Variants in BAHCC1 observed in about 807,000 individuals in gnomAD.
The protein encoded by BAHCC1 is BAH and coiled-coil domain-containing protein 1.
A neutral mutation model predicts 88.2 loss-of-function variants in BAHCC1; 43 were observed. The ratio of observed to expected loss-of-function variants is 0.49; its 90% CI spans 0.38 to 0.63. The LOEUF is 0.63. BAHCC1 is among the 20% of genes least tolerant of loss of function. The pLI, the probability that BAHCC1 is intolerant of heterozygous loss-of-function variation, is 0.00. For synonymous variants in BAHCC1, 1,510 were observed against 745.5 expected (o/e 2.03, Z -16.71); for missense variants, 3,023 against 1,654.8 (o/e 1.83, Z -14.34).
chr17:81,446,734 G>C (rs564476569), intron 10 of BAHCC1: 1 of 542,362 alleles, frequency 1.8e-6, no homozygotes, highest in Non-Finnish European at 3.6e-6. Context: ...TAATTTTTTT[G>C]TAGTGGCACG....
chr17:81,454,779 G>A (rs947929101), intron 14 of BAHCC1, among the ~76,000 whole-genome samples: 29 of 152,126 alleles, frequency 1.9e-4, no homozygotes, highest in African/African-American at 6.3e-4. Context: ...TGTTCCAGGT[G>A]CCAAGGCTGG....
chr17:81,459,274 C>A lies in BAHCC1; in HGVS notation c.5742C>A (p.Gly1914=). 1 of 779,440 alleles carries A rather than the reference C, an allele frequency of 1.3e-6. No homozygotes were observed. 48.3% of individuals were successfully genotyped at this position (779,440 alleles called of 1,614,324 possible). A position where few individuals can be genotyped will look rare whatever the true frequency, so the allele number is the denominator to read the frequency against. The change falls in exon 22 of 28, where the codon GGC becomes GGA. Residue 1914 remains glycine (G), a synonymous_variant. Coordinates refer to ENST00000675386, the MANE Select transcript of BAHCC1 (RefSeq NM_001377448.1). ...PPDIYSIVIE[G]ERGNRQRIYS... ...CCAGCTATAGCATCGTCATCGAGGG[C>A]GAGAGGGGCAACCGGCAGAGGATCT...
intron 3 of BAHCC1, among the ~76,000 whole-genome samples, chr17:81,428,828 G>T (rs1422654001): frequency 6.6e-6 from 1 of 152,248 alleles, no homozygotes; most frequent in African/African-American, 2.4e-5. Context: ...CCTCACATGG[G>T]GCCCGGCATC....
chr17:81,403,415 T>G (rs2063840521), intron 2 of BAHCC1, among the ~76,000 whole-genome samples: 1 of 151,624 alleles, frequency 6.6e-6, no homozygotes, highest in Admixed American at 6.6e-5. Flanking sequence ...AGGCGAAGGC[T>G]CCTTCTGGTG....
chr17:81,447,440 G>A lies in BAHCC1; in HGVS notation c.3568G>A (p.Gly1190Arg), dbSNP rs1555654832. Residue 1190 changes from glycine to arginine, a missense_variant, in exon 11 of 28, where the codon GGG (glycine) becomes AGG (arginine). By Grantham distance (125) the Gly-to-Arg change is moderately radical. Transcript: ENST00000675386. ...GAREERSREE[G>R]EQGPSSGASS... is the part of the protein sequence containing the mutation. The stretch of plus-strand genomic sequence containing the variant: ...ACGAGAAGAGAGGAGCAGGGAGGAG[G>A]GGGAGCAGGGGCCCTCGTCAGGGGC... 1 of 745,228 alleles carries A rather than the reference G, an allele frequency of 1.3e-6. No individual in the cohort carries two copies. The highest frequency in any genetic ancestry group is 2.5e-6 in the Non-Finnish European group (1 of 400,942). 46.2% of individuals were successfully genotyped at this position (745,228 alleles called of 1,614,324 possible). A position where few individuals can be genotyped will look rare whatever the true frequency, so the allele number is the denominator to read the frequency against.
intron 2 of BAHCC1, among the ~76,000 whole-genome samples, chr17:81,424,200 G>A (rs2064147881): frequency 6.6e-6 from 1 of 152,218 alleles, no homozygotes; most frequent in Non-Finnish European, 1.5e-5. Flanking sequence ...GGCCTGGGTA[G>A]AGGGATGAAG....
At chr17:81,413,200 C>T (rs1555648113) in intron 2 of BAHCC1, 1 of 347,404 alleles carries the variant, frequency 2.9e-6, no homozygotes, top group East Asian at 1.1e-4. Context: ...GGCTGCCTCC[C>T]CTGTGCTGAC....
intron 2 of BAHCC1, among the ~76,000 whole-genome samples, chr17:81,416,645 T>G (rs1180078921): frequency 1.3e-5 from 2 of 152,178 alleles, no homozygotes; most frequent in African/African-American, 4.8e-5. Context: ...TGTATGCACA[T>G]GTACATGTCC....
rs575897149 is a variant in BAHCC1, at chr17:81,445,090, C to G, written c.2747C>G (p.Pro916Arg). 2.6e-6 allele frequency: 2 copies of G among 770,810 alleles called. No homozygotes were observed. Among genetic ancestry groups the G allele is most frequent in the East Asian group, 2.4e-5 (1 of 40,842 alleles). 47.7% of individuals were successfully genotyped at this position (770,810 alleles called of 1,614,324 possible). A position where few individuals can be genotyped will look rare whatever the true frequency, so the allele number is the denominator to read the frequency against. Reference sequence around the variant, plus strand: ...GGCCCCGCCTCTCACATGCAGCACCCGGGCCAGCTCCCTGTGTACTCGAGG... The same window carrying G: ...GGCCCCGCCTCTCACATGCAGCACCGGGGCCAGCTCCCTGTGTACTCGAGG... ...GRGPASHMQH[P>R]GQLPVYSRPQ... is the part of the protein sequence containing the mutation. Residue 916 changes from proline to arginine, a missense_variant, in exon 9 of 28, where the codon CCG (proline) becomes CGG (arginine). Pro to Arg is a moderately radical substitution (Grantham distance 103, BLOSUM62 -2). Transcript: ENST00000675386.
At chr17:81,405,051 TTTTTGTTTTTG>T (rs546113728) in intron 2 of BAHCC1, among the ~76,000 whole-genome samples, 114 of 151,112 alleles carry the variant, frequency 7.5e-4, no homozygotes, top group Non-Finnish European at 1.4e-3. Flanking sequence ...GTGTGTTTTG[TTTTTGTTTTTG>T]TTTTGTTTTT....
At chr17:81,447,877 A>C (rs782648293) in intron 11 of BAHCC1, 29 bp downstream of exon 11, 1 of 715,800 alleles carries the variant, frequency 1.4e-6, no homozygotes, top group East Asian at 2.7e-5. Flanking sequence ...GCCACCCCCC[A>C]GAGTCCCAGC....
rs782533964 is a variant in BAHCC1, at chr17:81,442,531, C to T, written c.1182C>T (p.Phe394=). Residue 394 remains phenylalanine, a synonymous_variant, in exon 5 of 28, where the codon TTC becomes TTT. Transcript: ENST00000675386. ...ACCTAAAGGCCAGCGGGCCCACCTT[C>T]GTGCCTTCTGTGGGACACCTGGCCG... ...PRDLKASGPT[F]VPSVGHLADK... The T allele has an allele frequency of 2.3e-5, 17 of 735,046 alleles. No individual in the cohort carries two copies. The highest frequency in any genetic ancestry group is 1.6e-4 in the South Asian group (11 of 69,304). The allele number at this position is 735,046 out of a possible 1,614,324, so 45.5% of individuals were successfully genotyped here. A position where few individuals can be genotyped will look rare whatever the true frequency, so the allele number is the denominator to read the frequency against.
rs2143158444 is a variant in BAHCC1, at chr17:81,399,721, A to G, written c.-19A>G. ...CGCTGCTCCGAGGAAGCGGCGGCGG[A>G]CCGGGGCCGGGGCCCGGCATGGATG... On this transcript the variant is annotated 5_prime_UTR_variant, in exon 2 of 28. Transcript: ENST00000675386. The surrounding 1 kb of genome is among the most constrained non-coding windows in gnomAD (Gnocchi z 4.5). The G allele has an allele frequency of 2.9e-6, 3 of 1,050,416 alleles. No homozygotes were observed. The highest frequency in any genetic ancestry group is 3.5e-5 in the African/African-American group (2 of 57,844). 65.1% of individuals were successfully genotyped at this position (1,050,416 alleles called of 1,614,324 possible).
At chr17:81,396,263 G>A (rs1043146314) in intron 1 of BAHCC1, 2 of 152,254 alleles carry the variant, frequency 1.3e-5, no homozygotes, top group East Asian at 1.9e-4. Flanking sequence ...AGTTTTTCGG[G>A]TCTTCGTTCC....
intron 11 of BAHCC1, among the ~76,000 whole-genome samples, chr17:81,448,576 G>A (rs113242518): frequency 4.6e-5 from 7 of 152,328 alleles, no homozygotes; most frequent in African/African-American, 1.2e-4. Context: ...AGCCGGGCAC[G>A]GCGCCGTGGT....
intron 10 of BAHCC1, 138 bp from the exon 11 acceptor site, chr17:81,446,898 T>C (rs78535553): frequency 0.056 from 37,981 of 672,748 alleles, 2,062 homozygotes; most frequent in South Asian, 0.15. Context: ...CCACCAGTCT[T>C]GCAGACCTGC....
intron 2 of BAHCC1, among the ~76,000 whole-genome samples, chr17:81,417,629 T>G (rs2064052095): frequency 7.2e-6 from 1 of 139,218 alleles, no homozygotes; most frequent in Admixed American, 8.3e-5. Context: ...GATTTTCCTT[T>G]TCTTTTATTA....
At chr17:81,444,133 T>C (rs1253087306) in intron 6 of BAHCC1, 37 of 602,238 alleles carry the variant, frequency 6.1e-5, no homozygotes, top group Non-Finnish European at 1.0e-4. Flanking sequence ...GGTTACCCAC[T>C]TTCAGGGGCC....
At chr17:81,433,068 G>A (rs1439343444) in intron 3 of BAHCC1, among the ~76,000 whole-genome samples, 1 of 150,914 alleles carries the variant, frequency 6.6e-6, no homozygotes, top group South Asian at 2.1e-4. Context: ...GATGGAGCTG[G>A]CCCGGCCCGC....
Sources: gnomAD v4.1 joint callset for allele counts (sites outside exome capture counted in the v4.1 genomes callset) on GRCh38, gnomAD v4.1.1 for gene constraint, Gnocchi (gnomAD v3.1) non-coding constraint, MANE v1.5 for transcripts, NCBI Gene and HGNC (gene_info 2026-07-23, HGNC 2026-07-21) for gene names.